Variants in VRK2 observed in about 807,000 individuals in gnomAD.
VRK2 encodes the protein VRK serine/threonine kinase 2, also known as serine/threonine-protein kinase VRK2.
Under a neutral mutation model 57.6 loss-of-function variants are expected in VRK2, and 60 were observed. The observed-to-expected ratio is 1.04, with a 90% CI of 0.85 to 1.29. VRK2 has a LOEUF of 1.29. Ranked by LOEUF, VRK2 falls within the 50% of genes most tolerant of loss-of-function variation. VRK2 has a pLI of 0.00. For missense variants in VRK2, 705 were observed against 588.1 expected, an observed-to-expected ratio of 1.20 and a Z score of -2.06; for synonymous variants, 231 against 199.2, an observed-to-expected ratio of 1.16 and a Z score of -1.35.
At chr2:58,089,298 A>G (rs992724692) in intron 6 of VRK2, among the ~76,000 whole-genome samples, 8 of 152,148 alleles carry the variant, frequency 5.3e-5, no homozygotes, top group African/African-American at 1.4e-4. Context: ...TTATTTCACC[A>G]TAGATCTCTG....
chr2:57,975,611 G>C (rs1250681606), intron 1 of VRK2, among the ~76,000 whole-genome samples: 2 of 152,010 alleles, frequency 1.3e-5, no homozygotes, highest in African/African-American at 4.8e-5. Context: ...TGCAAACATA[G>C]CACCCAGTAG....
intron 7 of VRK2, among the ~76,000 whole-genome samples, chr2:58,120,107 T>C (rs908435722): frequency 9.6e-4 from 146 of 151,882 alleles, no homozygotes; most frequent in Non-Finnish European, 1.8e-4. Flanking sequence ...GAAATACTCA[T>C]GGACTGAAAC....
chr2:58,154,460 GTCATT>G (rs1683490071), intron 12 of VRK2, among the ~76,000 whole-genome samples: 1 of 151,498 alleles, frequency 6.6e-6, no homozygotes. Context: ...TCACATACTT[GTCATT>G]TCTTTTTATA....
chr2:58,049,771 A>T (rs1675429711), intron 2 of VRK2, among the ~76,000 whole-genome samples: 1 of 152,222 alleles, frequency 6.6e-6, no homozygotes, highest in Admixed American at 6.5e-5. Context: ...AGGAGTTGAT[A>T]AAATACCTCC....
intron 2 of VRK2, among the ~76,000 whole-genome samples, chr2:58,075,377 A>G (rs1669950978): frequency 6.6e-6 from 1 of 152,070 alleles, no homozygotes; most frequent in Non-Finnish European, 1.5e-5. Flanking sequence ...TGGTAAAGCA[A>G]TTTATATTCT....
chr2:58,130,392 G>A (rs563317914), intron 8 of VRK2, among the ~76,000 whole-genome samples: 1 of 152,192 alleles, frequency 6.6e-6, no homozygotes, highest in African/African-American at 2.4e-5. Context: ...GGTAGAGATT[G>A]TGTTTTTATT....
chr2:58,117,711 G>A lies in VRK2; in HGVS notation c.544-5390G>A, dbSNP rs183129693. Among the ~76,000 whole-genome samples, 55 of 152,248 alleles carry A rather than the reference G, an allele frequency of 3.6e-4. No homozygotes were observed. The East Asian group carries it at 8.1e-3, about 22-fold the overall frequency. ...GGAAAAATTGAAAGTGCCATTTTCC[G>A]GTGTTTGGAACTACTGTCAAGTTTG... On this transcript the variant is annotated intron_variant, in intron 7 of 12. Coordinates refer to ENST00000340157, the MANE Select transcript of VRK2 (RefSeq NM_006296.7).
chr2:58,028,903 A>AATATATATATATATATATATATAT (rs58729342), intron 2 of VRK2, among the ~76,000 whole-genome samples: 3 of 54,016 alleles, frequency 5.6e-5, no homozygotes, highest in Non-Finnish European at 1.1e-4. Context: ...TAAATAAATA[A>AATATATATATATATATATATATAT]ATATATATAT....
At chr2:58,000,990 A>G (rs1019453654) in intron 1 of VRK2, among the ~76,000 whole-genome samples, 3 of 152,252 alleles carry the variant, frequency 2.0e-5, no homozygotes, top group African/African-American at 7.2e-5. Flanking sequence ...TGAATTCTCT[A>G]TTTTTCTATC....
chr2:57,911,428 C>T (rs1168205098), intron 1 of VRK2, among the ~76,000 whole-genome samples: 1 of 152,112 alleles, frequency 6.6e-6, no homozygotes, highest in East Asian at 1.9e-4. Flanking sequence ...ATATAGATAA[C>T]ACAGACAGTG....
chr2:58,049,109 T>C (rs1322484029), intron 2 of VRK2, 142 bp downstream of exon 2: 26 of 1,072,540 alleles, frequency 2.4e-5, no homozygotes, highest in Non-Finnish European at 3.2e-5. Flanking sequence ...TAAGTAATAA[T>C]AGAGTACAGT....
At chr2:58,067,307 G>A (rs578119989) in intron 2 of VRK2, among the ~76,000 whole-genome samples, 2 of 152,184 alleles carry the variant, frequency 1.3e-5, no homozygotes, top group South Asian at 4.1e-4. Context: ...TTCACCTTGT[G>A]ATCATGTGAA....
rs913678841 is a variant in VRK2 at position 57,977,480 on chromosome 2, T to C, written c.-438-48185T>C. ...TGGGTATTTTTTTTCTTTTTGTGGC[T>C]TTTGTGAATGAGATTGTGTTTTAGA... On this transcript the variant is annotated intron_variant, in intron 1 of 15. Coordinates refer to the VRK2 transcript ENST00000417641. Among the ~76,000 whole-genome samples the C allele has an allele frequency of 2.0e-5, 3 of 152,054 alleles. 1 individual carries two copies. The highest frequency in any genetic ancestry group is 7.2e-5 in the African/African-American group (3 of 41,414).
At chr2:57,941,837 C>A (rs965855262) in intron 1 of VRK2, among the ~76,000 whole-genome samples, 4 of 152,154 alleles carry the variant, frequency 2.6e-5, no homozygotes, top group African/African-American at 9.7e-5. Flanking sequence ...ATACCATATC[C>A]CCAAGAGTGT....
At chr2:57,967,222 C>A (rs567446374) in intron 1 of VRK2, among the ~76,000 whole-genome samples, 1 of 151,966 alleles carries the variant, frequency 6.6e-6, no homozygotes, top group East Asian at 1.9e-4. Flanking sequence ...TGGGGCCTGT[C>A]GGCGGGTGCG....
chr2:57,932,156 A>AT (rs917439011), intron 1 of VRK2, among the ~76,000 whole-genome samples: 232 of 151,866 alleles, frequency 1.5e-3, no homozygotes, highest in African/African-American at 5.4e-3. Context: ...TATATATAGC[A>AT]TTTTTTTTCC....
intron 1 of VRK2, among the ~76,000 whole-genome samples, chr2:57,931,270 TC>T: frequency 1.3e-5 from 2 of 152,292 alleles, no homozygotes; most frequent in African/African-American, 2.4e-5. Flanking sequence ...GTACAAGAGT[TC>T]CCTTTTCTTG....
chr2:58,092,079 T>C (rs1035317739), intron 7 of VRK2, among the ~76,000 whole-genome samples: 2 of 152,240 alleles, frequency 1.3e-5, no homozygotes, highest in Admixed American at 6.5e-5. Context: ...ATGTACAGTT[T>C]GATATCTTTT....
At chr2:57,928,313 C>T (rs951423312) in intron 1 of VRK2, among the ~76,000 whole-genome samples, 4 of 152,032 alleles carry the variant, frequency 2.6e-5, no homozygotes, top group African/African-American at 9.7e-5. Context: ...ATTAATCCTG[C>T]TGTTAAAAGA....
Sources: allele counts gnomAD v4.1 joint callset (sites outside exome capture counted in the v4.1 genomes callset), GRCh38; gene constraint gnomAD v4.1.1; transcripts MANE v1.5; gene names NCBI Gene and HGNC (gene_info 2026-07-23, HGNC 2026-07-21).